The following WWP1 variants were observed in gnomAD, a reference collection of about 807,000 sequenced individuals.
The protein encoded by WWP1 is NEDD4-like E3 ubiquitin-protein ligase WWP1.
Under a neutral mutation model 130.6 loss-of-function variants are expected in WWP1, and 49 were observed. The observed-to-expected ratio is 0.38, with a 90% CI of 0.30 to 0.48. The LOEUF (loss-of-function observed/expected upper bound fraction) is 0.48. Among genes scored for constraint, WWP1 ranks in the 20% least tolerant of loss-of-function variants. WWP1 has a pLI of 0.99. For missense variants in WWP1, 809 were observed against 1,100.6 expected (o/e 0.74, Z 3.75); for synonymous variants, 332 against 367.8 (o/e 0.90, Z 1.11).
intron 1 of WWP1, 70 bp from the exon 2 acceptor site, chr8:86,368,869 A>G (rs1824128544): frequency 6.6e-6 from 1 of 152,126 alleles, no homozygotes; most frequent in South Asian, 2.1e-4. Context: ...TGTGTGCCCC[A>G]GATGTAGTAC....
chr8:86,366,966 T>G (rs1288963772), intron 1 of WWP1, among the ~76,000 whole-genome samples: 1 of 152,208 alleles, frequency 6.6e-6, no homozygotes, highest in East Asian at 1.9e-4. Flanking sequence ...TTTTATGCTT[T>G]GGAGTTGCTC....
At chr8:86,390,122 A>C (rs1164021068) in intron 5 of WWP1, among the ~76,000 whole-genome samples, 1 of 147,938 alleles carries the variant, frequency 6.8e-6, no homozygotes, top group Non-Finnish European at 1.5e-5. Context: ...GGCGCTCCCC[A>C]CATCTCAGAC....
intron 1 of WWP1, among the ~76,000 whole-genome samples, chr8:86,347,595 A>T (rs1364869151): frequency 2.0e-5 from 3 of 152,180 alleles, no homozygotes; most frequent in Non-Finnish European, 4.4e-5. Flanking sequence ...TGCAGTGGCT[A>T]TTGGTAGGTG....
At chr8:86,369,305 T>G (rs1563471645) in intron 2 of WWP1, among the ~76,000 whole-genome samples, 1 of 152,182 alleles carries the variant, frequency 6.6e-6, no homozygotes, top group African/African-American at 2.4e-5. Flanking sequence ...GTGCGGAGAA[T>G]AATTGTTGAA....
At chr8:86,401,372 C>T (rs1056992989) in intron 7 of WWP1, among the ~76,000 whole-genome samples, 5 of 151,814 alleles carry the variant, frequency 3.3e-5, no homozygotes, top group Admixed American at 1.3e-4. Flanking sequence ...CCAGCCTGGG[C>T]AACAAAGGGA....
chr8:86,365,942 T>C (rs571626154), intron 1 of WWP1, among the ~76,000 whole-genome samples: 187 of 152,246 alleles, frequency 1.2e-3, no homozygotes, highest in African/African-American at 4.4e-3. Context: ...CAATGGGAGA[T>C]AGAAGTGAAA....
intron 9 of WWP1, among the ~76,000 whole-genome samples, chr8:86,415,896 G>C (rs567540151): frequency 1.3e-5 from 2 of 151,940 alleles, no homozygotes; most frequent in Admixed American, 6.6e-5. Flanking sequence ...TATATTCTTC[G>C]TGCTCAAAAC....
chr8:86,458,281 G>A (rs1470466935), intron 22 of WWP1, among the ~76,000 whole-genome samples: 1 of 152,110 alleles, frequency 6.6e-6, no homozygotes, highest in Admixed American at 6.5e-5. Context: ...ATAGTTGTAG[G>A]CGTAGCAATT....
chr8:86,364,833 A>AGAGAGAGAG (rs1563468191), intron 1 of WWP1, among the ~76,000 whole-genome samples: 8 of 113,740 alleles, frequency 7.0e-5, no homozygotes, highest in African/African-American at 2.5e-4. Context: ...GAAAGAAAGA[A>AGAGAGAGAG]AGAGAGAGAG....
chr8:86,358,987 A>G (rs1317152411), intron 1 of WWP1, among the ~76,000 whole-genome samples: 2 of 152,222 alleles, frequency 1.3e-5, no homozygotes, highest in African/African-American at 4.8e-5. Context: ...CGGACAGATG[A>G]TTAGAAATGA....
At chr8:86,444,254 A>G (rs770174441) in intron 18 of WWP1, among the ~76,000 whole-genome samples, 5 of 152,230 alleles carry the variant, frequency 3.3e-5, no homozygotes, top group African/African-American at 4.8e-5. Flanking sequence ...GTATGGCAAC[A>G]ATATTTATGG....
chr8:86,435,900 A>G (rs1296682045), intron 16 of WWP1, among the ~76,000 whole-genome samples, 196 bp downstream of exon 16: 3 of 152,090 alleles, frequency 2.0e-5, no homozygotes, highest in South Asian at 2.1e-4. Flanking sequence ...GAATTTCGCC[A>G]TGTTGCCCAG....
chr8:86,431,099 T>C (rs1389063712), intron 12 of WWP1, among the ~76,000 whole-genome samples: 1 of 137,444 alleles, frequency 7.3e-6, no homozygotes, highest in Non-Finnish European at 1.5e-5. Context: ...ATGTATTATA[T>C]ATATAATATA....
intron 24 of WWP1, among the ~76,000 whole-genome samples, chr8:86,465,636 A>G (rs1438579053): frequency 6.6e-6 from 1 of 152,214 alleles, no homozygotes; most frequent in Non-Finnish European, 1.5e-5. Context: ...AATAATCAGG[A>G]GAAAAAATGG....
At chr8:86,398,173 T>A (rs1417486466) in intron 5 of WWP1, among the ~76,000 whole-genome samples, 169 bp from the exon 6 acceptor site, 1 of 152,142 alleles carries the variant, frequency 6.6e-6, no homozygotes, top group Non-Finnish European at 1.5e-5. Flanking sequence ...ATTGAAAGCG[T>A]GGGATTGAGG....
In WWP1 at chr8:86,416,049, A is replaced by G. The variant is rs192771793; in HGVS notation, c.1061+4175A>G. 8.5e-5 allele frequency among the ~76,000 whole-genome samples: 13 copies of G among 152,350 alleles called. No individual in the cohort carries two copies. In the East Asian group the frequency reaches 1.3e-3, roughly 16 times the overall value. ...CTGGAAGAAATGGTTAACAAGGTCA[A>G]AAGCCACTGAAAAATTCTAGGAAGA... On this transcript the variant is annotated intron_variant, in intron 9 of 24. Coordinates refer to ENST00000517970, the MANE Select transcript of WWP1 (RefSeq NM_007013.4).
chr8:86,419,799 G>A (rs1033303461), intron 9 of WWP1, among the ~76,000 whole-genome samples: 1 of 152,198 alleles, frequency 6.6e-6, no homozygotes, highest in Non-Finnish European at 1.5e-5. Flanking sequence ...GAAAATTTTA[G>A]TACATTGGGG....
intron 1 of WWP1, among the ~76,000 whole-genome samples, chr8:86,356,626 C>A (rs941007044): frequency 6.6e-6 from 1 of 151,914 alleles, no homozygotes; most frequent in Non-Finnish European, 1.5e-5. Flanking sequence ...CCAAAGAAAG[C>A]CCTATGTTTT....
intron 1 of WWP1, among the ~76,000 whole-genome samples, chr8:86,358,119 T>C (rs1046420331): frequency 2.0e-5 from 3 of 152,234 alleles, no homozygotes; most frequent in African/African-American, 7.2e-5. Flanking sequence ...TTATATTCTT[T>C]TGTTTCTTTG....
Sources: allele counts gnomAD v4.1 joint callset (sites outside exome capture counted in the v4.1 genomes callset), GRCh38; gene constraint gnomAD v4.1.1; transcripts MANE v1.5; gene names NCBI Gene and HGNC (gene_info 2026-07-23, HGNC 2026-07-21).